The following KATNIP variants were observed in gnomAD, a reference collection of about 807,000 sequenced individuals.
The protein encoded by KATNIP is katanin interacting protein, also known as katanin-interacting protein.
KATNIP carries 126 observed loss-of-function variants against 174.0 expected under a neutral mutation model. The observed-to-expected ratio is 0.72, with a 90% CI of 0.63 to 0.84. The LOEUF (loss-of-function observed/expected upper bound fraction) is 0.84, where lower values mean the gene tolerates loss of function less well. KATNIP is among the 40% of genes least tolerant of loss of function. The probability of loss-of-function intolerance (pLI) is 0.00; values close to 1 mark genes in which losing one functional copy is unlikely to be tolerated. For missense variants in KATNIP, 1,958 were observed against 2,109.7 expected (o/e 0.93, Z 1.41); for synonymous variants, 810 against 835.7 (o/e 0.97, Z 0.53).
intron 3 of KATNIP, among the ~76,000 whole-genome samples, chr16:27,626,192 C>A (rs951921784): frequency 6.6e-6 from 1 of 151,690 alleles, no homozygotes; most frequent in Non-Finnish European, 1.5e-5. Flanking sequence ...TTCATCACCA[C>A]TCCCCCGCCC....
chr16:27,657,142 G>A (rs1225074023), intron 6 of KATNIP, among the ~76,000 whole-genome samples: 2 of 152,044 alleles, frequency 1.3e-5, no homozygotes, highest in East Asian at 3.9e-4. Flanking sequence ...GAATGTCCTT[G>A]TTCTCTGGAG....
At chr16:27,550,202 G>C (rs1274116014) in intron 1 of KATNIP, 25 bp downstream of exon 1, 1 of 1,607,020 alleles carries the variant, frequency 6.2e-7, no homozygotes, top group Non-Finnish European at 8.5e-7. Context: ...GCCCCTCCGG[G>C]AGGTCGGGCT....
chr16:27,751,908 T>TG lies in KATNIP; in HGVS notation c.3541dup (p.Ala1181GlyfsTer2). ...GAGCGGCCCTTCACCCAGGCTGGCT[T>TG]GGGGGCTGATGAACGGGTAGGACTG... On this transcript the variant is annotated frameshift_variant, in exon 17 of 28. Transcript: ENST00000261588. LOFTEE classifies it high-confidence loss of function. 6.2e-7 allele frequency: 1 copy of TG among 1,609,604 alleles called. No homozygotes were observed. Among genetic ancestry groups the TG allele is most frequent in the Non-Finnish European group, 8.5e-7 (1 of 1,178,922 alleles).
At chr16:27,575,061 C>T (rs1309665002) in intron 2 of KATNIP, among the ~76,000 whole-genome samples, 1 of 152,194 alleles carries the variant, frequency 6.6e-6, no homozygotes, top group Non-Finnish European at 1.5e-5. Flanking sequence ...TCCTTGATCT[C>T]AGAGTATGCA....
chr16:27,582,391 T>A (rs2090733135), intron 2 of KATNIP, among the ~76,000 whole-genome samples: 1 of 152,190 alleles, frequency 6.6e-6, no homozygotes, highest in Non-Finnish European at 1.5e-5. Flanking sequence ...AACCTTTTAG[T>A]TCATATTTCT....
chr16:27,771,217 C>T lies in KATNIP; in HGVS notation c.4134-371C>T, dbSNP rs139348686. ...TACCAGGCAACCTCACGTCCCATCC[C>T]GGTTCTGCCACTACCAGCTGCATGG... On this transcript the variant is annotated intron_variant, in intron 21 of 27. Transcript: ENST00000261588. Among the ~76,000 whole-genome samples the T allele has an allele frequency of 7.2e-3, 1,097 of 152,304 alleles. 20 individuals carry two copies. Among genetic ancestry groups the T allele is most frequent in the African/African-American group, 0.025 (1,043 of 41,550 alleles).
intron 8 of KATNIP, among the ~76,000 whole-genome samples, chr16:27,689,685 T>G (rs2078646979): frequency 6.6e-6 from 1 of 152,204 alleles, no homozygotes; most frequent in African/African-American, 2.4e-5. Context: ...GTCGGCTAAC[T>G]ATTACTGCCT....
chr16:27,609,378 C>CTTTTTTTT (rs35339029), intron 2 of KATNIP, among the ~76,000 whole-genome samples: 1 of 55,600 alleles, frequency 1.8e-5, no homozygotes, highest in Non-Finnish European at 3.0e-5. Context: ...TGAGTTAAGT[C>CTTTTTTTT]TTTTTTTTTT....
chr16:27,692,787 G>A (rs1193334256), intron 8 of KATNIP, among the ~76,000 whole-genome samples: 1 of 152,188 alleles, frequency 6.6e-6, no homozygotes, highest in Non-Finnish European at 1.5e-5. Flanking sequence ...CAAGGTCAAT[G>A]AGGGCAGAAA....
intron 8 of KATNIP, among the ~76,000 whole-genome samples, chr16:27,696,976 A>G (rs1446522149): frequency 6.6e-6 from 1 of 151,870 alleles, no homozygotes; most frequent in Non-Finnish European, 1.5e-5. Context: ...TGATCCACCC[A>G]CCTCGACCTC....
At chr16:27,597,669 T>C (rs2075384030) in intron 2 of KATNIP, among the ~76,000 whole-genome samples, 1 of 152,260 alleles carries the variant, frequency 6.6e-6, no homozygotes. Context: ...CGTGGCTTTC[T>C]CTAGGCTGGA....
intron 1 of KATNIP, among the ~76,000 whole-genome samples, chr16:27,553,981 A>G (rs1596689500): frequency 7.6e-6 from 1 of 131,160 alleles, no homozygotes; most frequent in Non-Finnish European, 1.6e-5. Flanking sequence ...GGGTGGGGGG[A>G]GAGAGGAGAG....
chr16:27,748,034 G>A (rs563627949), intron 15 of KATNIP, among the ~76,000 whole-genome samples: 13 of 152,276 alleles, frequency 8.5e-5, no homozygotes, highest in Admixed American at 8.5e-4. Flanking sequence ...ATGAAAGGAG[G>A]AAAAACAGAA....
intron 14 of KATNIP, among the ~76,000 whole-genome samples, chr16:27,725,162 C>T (rs917740642): frequency 3.3e-5 from 5 of 152,170 alleles, no homozygotes; most frequent in African/African-American, 4.8e-5. Flanking sequence ...GTATCAGGCA[C>T]GTATAGGCAC....
intron 2 of KATNIP, among the ~76,000 whole-genome samples, chr16:27,615,758 C>G (rs2076020821): frequency 6.6e-6 from 1 of 152,110 alleles, no homozygotes; most frequent in Non-Finnish European, 1.5e-5. Flanking sequence ...ATTCCCATGG[C>G]TCAGAGCAAT....
intron 13 of KATNIP, among the ~76,000 whole-genome samples, chr16:27,719,545 A>G (rs1283129110): frequency 6.9e-6 from 1 of 145,772 alleles, no homozygotes; most frequent in Non-Finnish European, 1.5e-5. Flanking sequence ...TAAATTTTGT[A>G]TTTTTTTTTT....
intron 2 of KATNIP, among the ~76,000 whole-genome samples, chr16:27,601,424 A>G (rs189132495): frequency 1.3e-5 from 2 of 151,944 alleles, no homozygotes. Flanking sequence ...GGAGGGAAAC[A>G]TTGCAGGCAG....
chr16:27,650,562 C>T (rs2077092275), intron 6 of KATNIP, among the ~76,000 whole-genome samples: 2 of 152,154 alleles, frequency 1.3e-5, no homozygotes, highest in Admixed American at 1.3e-4. Flanking sequence ...GTGACGTCAC[C>T]GCAAAGGCAG....
intron 15 of KATNIP, among the ~76,000 whole-genome samples, chr16:27,749,111 T>C (rs968291056): frequency 2.6e-5 from 4 of 152,188 alleles, no homozygotes; most frequent in Non-Finnish European, 5.9e-5. Flanking sequence ...GCATTGCCCC[T>C]GGTCATGTGA....
Sources: gnomAD v4.1 joint callset for allele counts (sites outside exome capture counted in the v4.1 genomes callset) on GRCh38, gnomAD v4.1.1 for gene constraint, MANE v1.5 for transcripts, NCBI Gene and HGNC (gene_info 2026-07-23, HGNC 2026-07-21) for gene names.